Variants in GRIP1 observed in about 807,000 individuals in gnomAD.
The protein encoded by GRIP1 is glutamate receptor-interacting protein 1.
GRIP1 carries 45 observed loss-of-function variants against 129.9 expected under a neutral mutation model. The ratio of observed to expected loss-of-function variants is 0.35; its 90% CI spans 0.27 to 0.44. The LOEUF (loss-of-function observed/expected upper bound fraction) is 0.44. Among genes scored for constraint, GRIP1 ranks in the 20% least tolerant of loss-of-function variants. GRIP1 has a pLI of 1.00. For synonymous variants in GRIP1, 530 were observed against 520.8 expected, an observed-to-expected ratio of 1.02 and a Z score of -0.24; for missense variants, 1,196 against 1,396.8, an observed-to-expected ratio of 0.86 and a Z score of 2.29.
At chr12:66,903,597 G>T (rs527933439) in intron 1 of GRIP1, among the ~76,000 whole-genome samples, 1 of 152,224 alleles carries the variant, frequency 6.6e-6, no homozygotes, top group African/African-American at 2.4e-5. Context: ...CTGTTTGAAG[G>T]GGAGGTAGGA....
intron 1 of GRIP1, among the ~76,000 whole-genome samples, chr12:66,709,677 T>C (rs11176391): frequency 0.012 from 1,765 of 151,972 alleles, 35 homozygotes; most frequent in African/African-American, 0.041. Context: ...ACATGTGCCT[T>C]AAGGATTTCT....
intron 1 of GRIP1, among the ~76,000 whole-genome samples, chr12:66,937,964 C>T (rs1476318859): frequency 6.6e-6 from 1 of 152,080 alleles, no homozygotes; most frequent in East Asian, 1.9e-4. Flanking sequence ...AGCACTTGAA[C>T]TATAGCTAGT....
chr12:66,795,100 A>G (rs2038657498), intron 1 of GRIP1, among the ~76,000 whole-genome samples: 1 of 152,236 alleles, frequency 6.6e-6, no homozygotes. Context: ...GTTCATATTC[A>G]TGTCTTCAAA....
In GRIP1 at chr12:66,929,932, C is replaced by T. The variant is rs547702250; in HGVS notation, c.58+139118G>A. Among the ~76,000 whole-genome samples the T allele has an allele frequency of 6.3e-4, 96 of 152,150 alleles. 2 individuals carry two copies. The highest frequency in any genetic ancestry group is 2.1e-3 in the African/African-American group (86 of 41,514). On this transcript the variant is annotated intron_variant, in intron 1 of 1. Coordinates refer to the GRIP1 transcript ENST00000643019. Reference sequence around the variant, plus strand: ...TGATTGACTACATTTTTCATTATGCCAATTCTGTTCCTTAAACACTCCAAT... The same window carrying T: ...TGATTGACTACATTTTTCATTATGCTAATTCTGTTCCTTAAACACTCCAAT...
At chr12:66,419,017 C>T (rs10748043) in intron 15 of GRIP1, among the ~76,000 whole-genome samples, 141,400 of 152,246 alleles carry the variant, frequency 0.93, 66,330 homozygotes, top group Non-Finnish European at 1. Context: ...GCACTGTTCA[C>T]AATAGCCAAG....
At chr12:66,360,396 G>T (rs1381081399) in intron 23 of GRIP1, among the ~76,000 whole-genome samples, 8 of 152,094 alleles carry the variant, frequency 5.3e-5, no homozygotes, top group African/African-American at 1.9e-4. Context: ...ACCCTAGCCT[G>T]TGTAAAGCAA....
chr12:66,847,958 G>C (rs2039847827), intron 1 of GRIP1, among the ~76,000 whole-genome samples: 1 of 152,168 alleles, frequency 6.6e-6, no homozygotes, highest in Non-Finnish European at 1.5e-5. Context: ...GGCAGCAAGT[G>C]ATTTTGATTC....
intron 2 of GRIP1, among the ~76,000 whole-genome samples, chr12:66,579,560 A>C (rs1332941975): frequency 6.6e-6 from 1 of 152,236 alleles, no homozygotes; most frequent in Non-Finnish European, 1.5e-5. Flanking sequence ...AGAAGTGCTT[A>C]AAGGAGCTGA....
At chr12:66,349,339 G>T in intron 24 of GRIP1, 93 bp from the exon 25 acceptor site, 2 of 993,624 alleles carry the variant, frequency 2.0e-6, no homozygotes, top group Non-Finnish European at 1.6e-6. Context: ...GTTGTTTGAA[G>T]TCATGAAGGT....
intron 1 of GRIP1, among the ~76,000 whole-genome samples, chr12:66,919,229 T>A (rs1416214245): frequency 6.6e-6 from 1 of 152,210 alleles, no homozygotes; most frequent in Non-Finnish European, 1.5e-5. Context: ...GGAACACATC[T>A]GCATGGGACC....
chr12:66,877,213 C>T (rs757708314), intron 1 of GRIP1, among the ~76,000 whole-genome samples: 3 of 152,056 alleles, frequency 2.0e-5, no homozygotes, highest in Non-Finnish European at 4.4e-5. Flanking sequence ...CACACATGTG[C>T]ACACATCTGA....
chr12:66,939,647 CAA>C lies in GRIP1; in HGVS notation c.58+129401_58+129402del, dbSNP rs199588786. The stretch of plus-strand genomic sequence containing the variant: ...TTCAGCATAATTTTCATTCTAGCTA[CAA>C]AAGAGTCATGCCATCTTTTACTTAA... On this transcript the variant is annotated intron_variant, in intron 1 of 1. Transcript: ENST00000643019. Among the ~76,000 whole-genome samples the C allele has an allele frequency of 6.7e-3, 1,011 of 152,028 alleles. 10 individuals are homozygous for C. The highest frequency in any genetic ancestry group is 0.01 in the Middle Eastern group (3 of 294).
intron 1 of GRIP1, among the ~76,000 whole-genome samples, chr12:66,951,326 C>A (rs139662834): frequency 3.4e-4 from 51 of 152,114 alleles, no homozygotes; most frequent in African/African-American, 1.2e-3. Flanking sequence ...GTTAACTAAG[C>A]GGAGTGAAGT....
chr12:66,390,733 C>G (rs2056552432), intron 19 of GRIP1, among the ~76,000 whole-genome samples: 1 of 152,078 alleles, frequency 6.6e-6, no homozygotes. Context: ...AATAAATAAC[C>G]AATACACAAT....
intron 1 of GRIP1, among the ~76,000 whole-genome samples, chr12:66,625,452 T>C (rs1443438623): frequency 6.6e-6 from 1 of 152,210 alleles, no homozygotes; most frequent in Non-Finnish European, 1.5e-5. Flanking sequence ...GTTACATCAA[T>C]TTTTAAAGGG....
At chr12:66,971,260 C>T (rs1021868) in intron 1 of GRIP1, among the ~76,000 whole-genome samples, 33,869 of 151,978 alleles carry the variant, frequency 0.22, 4,183 homozygotes, top group Non-Finnish European at 0.25. Flanking sequence ...AGATTGCTGA[C>T]AGTTCCAGGA....
chr12:66,498,522 A>C (rs2060301957), intron 7 of GRIP1, among the ~76,000 whole-genome samples: 1 of 151,994 alleles, frequency 6.6e-6, no homozygotes, highest in South Asian at 2.1e-4. Context: ...CTGATTTCTC[A>C]AATAGGGATT....
intron 1 of GRIP1, among the ~76,000 whole-genome samples, chr12:66,879,154 G>A (rs1003891922): frequency 2.6e-5 from 4 of 151,828 alleles, no homozygotes; most frequent in Non-Finnish European, 5.9e-5. Flanking sequence ...ATAGGAAAGT[G>A]TCCTCAGGTG....
intron 1 of GRIP1, among the ~76,000 whole-genome samples, chr12:67,043,243 T>C (rs1402535395): frequency 6.6e-6 from 1 of 152,208 alleles, no homozygotes; most frequent in Non-Finnish European, 1.5e-5. Context: ...TAAGTATTCA[T>C]CTTTATTACA....
Sources: allele counts gnomAD v4.1 joint callset (sites outside exome capture counted in the v4.1 genomes callset), GRCh38; gene constraint gnomAD v4.1.1; transcripts MANE v1.5; gene names NCBI Gene and HGNC (gene_info 2026-07-23, HGNC 2026-07-21).